IGF2BP2: variants seen among roughly 807,000 people sequenced by gnomAD.
IGF2BP2 encodes the protein insulin-like growth factor 2 mRNA-binding protein 2.
Under a neutral mutation model 75.8 loss-of-function variants are expected in IGF2BP2, and 17 were observed. That is an observed-to-expected ratio of 0.22 (90% CI 0.15 to 0.34). The LOEUF (loss-of-function observed/expected upper bound fraction) is 0.34. Ranked by LOEUF, IGF2BP2 falls within the 10% of genes least tolerant of loss-of-function variation. IGF2BP2 has a pLI of 1.00. For synonymous variants in IGF2BP2, 288 were observed against 295.6 expected (o/e 0.97, Z 0.26); for missense variants, 516 against 772.4 (o/e 0.67, Z 3.93).
At chr3:185,821,681 G>C (rs1741396799) in intron 2 of IGF2BP2, among the ~76,000 whole-genome samples, 1 of 151,376 alleles carries the variant, frequency 6.6e-6, no homozygotes, top group Non-Finnish European at 1.5e-5. Context: ...ATTCACAACC[G>C]CAAACAGCCA....
chr3:185,798,416 T>C (rs1039554138), intron 2 of IGF2BP2, among the ~76,000 whole-genome samples: 4 of 152,206 alleles, frequency 2.6e-5, no homozygotes, highest in Non-Finnish European at 5.9e-5. Flanking sequence ...GTACAAATAG[T>C]GTTAATATTT....
At chr3:185,812,053 T>C (rs1235174016) in intron 2 of IGF2BP2, among the ~76,000 whole-genome samples, 3 of 152,122 alleles carry the variant, frequency 2.0e-5, no homozygotes, top group Non-Finnish European at 4.4e-5. Flanking sequence ...AAAAATCATG[T>C]ATGTAGGACT....
intron 2 of IGF2BP2, among the ~76,000 whole-genome samples, chr3:185,792,817 T>C (rs1736834911): frequency 6.7e-6 from 1 of 149,140 alleles, no homozygotes; most frequent in Non-Finnish European, 1.5e-5. Flanking sequence ...TATTTGGTCA[T>C]ATCATCATCA....
Position 185,658,343 on chromosome 3 carries a change from A to C in IGF2BP2, c.1267T>G (p.Ser423Ala). 1 of 1,613,736 alleles carries C rather than the reference A, an allele frequency of 6.2e-7. No homozygotes were observed. Among genetic ancestry groups the C allele is most frequent in the African/African-American group, 1.3e-5 (1 of 75,002 alleles). ...GGCTGAACTGAGGGGGCACTTACAG[A>C]GTGATGATGCGGGAACGGGCCAAAC... is the stretch of plus-strand genomic sequence containing the variant. ...HQFGPFPHHH[S>A]YPEQEIVNLF... Residue 423 changes from serine (S) to alanine (A), a missense_variant and splice_region_variant, in exon 11 of 16, where the codon TCT becomes GCT. Around this residue, in one of 3 missense-constraint regions of IGF2BP2, gnomAD observed 75 missense variants for 67.4 expected, o/e 1.11. Transcript: ENST00000382199.
At position 185,645,233 on chromosome 3, in the gene IGF2BP2, G is replaced by C. The variant is rs934992516; in HGVS notation, c.*298C>G. 3 of 444,972 alleles carry C rather than the reference G, an allele frequency of 6.7e-6. No homozygotes were observed. Among genetic ancestry groups the C allele is most frequent in the Non-Finnish European group, 1.2e-5 (3 of 245,408 alleles). 27.6% of individuals were successfully genotyped at this position (444,972 alleles called of 1,614,324 possible). Reference sequence around the variant, plus strand: ...TAGTTCAACTAAAAGGGATAGCGTCGTGGGAGTTCAGGAGAGATCCGAGTG... The same window carrying C: ...TAGTTCAACTAAAAGGGATAGCGTCCTGGGAGTTCAGGAGAGATCCGAGTG... On this transcript the variant is annotated 3_prime_UTR_variant, in exon 16 of 16. Transcript: ENST00000382199. This position sits in a 1 kb window ranked among gnomAD's most constrained non-coding sequence, Gnocchi z 4.9.
intron 7 of IGF2BP2, among the ~76,000 whole-genome samples, chr3:185,677,024 G>GAT (rs1257613585): frequency 0.013 from 1,260 of 93,866 alleles, 67 homozygotes; most frequent in African/African-American, 0.024. Context: ...TATATGGAGA[G>GAT]AGATATATAT....
chr3:185,651,251 G>A (rs1714550977), intron 13 of IGF2BP2, among the ~76,000 whole-genome samples: 1 of 152,174 alleles, frequency 6.6e-6, no homozygotes, highest in Non-Finnish European at 1.5e-5. Context: ...TACTTCGTGT[G>A]ATGGTCACCC....
chr3:185,651,749 T>A (rs1385778364), intron 13 of IGF2BP2, among the ~76,000 whole-genome samples: 1 of 152,132 alleles, frequency 6.6e-6, no homozygotes, highest in Non-Finnish European at 1.5e-5. Context: ...CCCTTACACC[T>A]GTGTTAGTCC....
At chr3:185,796,942 T>C (rs1737497471) in intron 2 of IGF2BP2, among the ~76,000 whole-genome samples, 1 of 152,154 alleles carries the variant, frequency 6.6e-6, no homozygotes. Context: ...TGAGTCAAAA[T>C]GCACATCAGA....
At chr3:185,706,266 G>A (rs1182199526) in intron 2 of IGF2BP2, among the ~76,000 whole-genome samples, 1 of 152,202 alleles carries the variant, frequency 6.6e-6, no homozygotes, top group Non-Finnish European at 1.5e-5. Flanking sequence ...GCCAGGTGTG[G>A]TAGCACATGC....
At chr3:185,724,732 T>C (rs1281121163) in intron 2 of IGF2BP2, 2 of 152,190 alleles carry the variant, frequency 1.3e-5, no homozygotes, top group African/African-American at 4.8e-5. Flanking sequence ...CATATCACAG[T>C]CTGGACTTTG....
rs149286601 is a variant in IGF2BP2 at position 185,673,482 on chromosome 3, C to T, written c.1072-813G>A. ...CTTTGTCTCTTTACTATTTAGTTGT[C>T]GGCTTTGTGATCATCTTGCTTGCTT... On this transcript the variant is annotated intron_variant, in intron 9 of 15. Coordinates refer to ENST00000382199, the MANE Select transcript of IGF2BP2 (RefSeq NM_006548.6). Among the ~76,000 whole-genome samples the T allele has an allele frequency of 2.8e-4, 42 of 152,254 alleles. No individual in the cohort carries two copies. The East Asian group carries it at 4.4e-3, about 16-fold the overall frequency.
chr3:185,772,548 T>C (rs1734014597), intron 2 of IGF2BP2, among the ~76,000 whole-genome samples: 1 of 151,620 alleles, frequency 6.6e-6, no homozygotes, highest in Non-Finnish European at 1.5e-5. Flanking sequence ...GGATAATCCC[T>C]ATACAACTCC....
At position 185,773,864 on chromosome 3, in the gene IGF2BP2, G is replaced by C. The variant is rs1322100221; in HGVS notation, c.239+49289C>G. Among the ~76,000 whole-genome samples, 3 of 152,148 alleles carry C rather than the reference G, an allele frequency of 2.0e-5. No homozygotes were observed. In the South Asian group the frequency reaches 6.2e-4, roughly 32 times the overall value. ...AAAAACAAGTGCTCTAAAAGCCCTT[G>C]TGCCACATTTTTAACGTGCTGAGCA... is the stretch of plus-strand genomic sequence containing the variant. On this transcript the variant is annotated intron_variant, in intron 2 of 15. Coordinates refer to ENST00000382199, the MANE Select transcript of IGF2BP2 (RefSeq NM_006548.6).
At chr3:185,737,313 A>G (rs1728986486) in intron 2 of IGF2BP2, among the ~76,000 whole-genome samples, 1 of 152,144 alleles carries the variant, frequency 6.6e-6, no homozygotes, top group Non-Finnish European at 1.5e-5. Flanking sequence ...CTTAATAAAC[A>G]TTCTAGGTGC....
At chr3:185,659,650 A>T (rs554772290) in intron 10 of IGF2BP2, among the ~76,000 whole-genome samples, 1 of 151,674 alleles carries the variant, frequency 6.6e-6, no homozygotes. Context: ...TGATATGATT[A>T]TAAGTGTGAG....
At chr3:185,675,731 C>A in intron 8 of IGF2BP2, 60 bp downstream of exon 8, 14 of 1,578,380 alleles carry the variant, frequency 8.9e-6, no homozygotes, top group Non-Finnish European at 1.2e-5. Flanking sequence ...ATGAACTAGA[C>A]GTATCGAAAT....
chr3:185,701,366 G>GT (rs1491460809), intron 2 of IGF2BP2, among the ~76,000 whole-genome samples: 1 of 73,864 alleles, frequency 1.4e-5, no homozygotes, highest in Non-Finnish European at 2.9e-5. Context: ...AACCTGCTAA[G>GT]TAAAAAAAAA....
chr3:185,750,978 A>T (rs1189397921), intron 2 of IGF2BP2, among the ~76,000 whole-genome samples: 3 of 152,218 alleles, frequency 2.0e-5, no homozygotes, highest in Non-Finnish European at 4.4e-5. Context: ...GCACTCTGGG[A>T]GGCCAATGTG....
Sources: allele counts gnomAD v4.1 joint callset (sites outside exome capture counted in the v4.1 genomes callset), GRCh38; gene constraint gnomAD v4.1.1; regional missense constraint gnomAD v4.1.1; non-coding constraint Gnocchi (gnomAD v3.1); transcripts MANE v1.5; gene names NCBI Gene and HGNC (gene_info 2026-07-23, HGNC 2026-07-21).